The following XKR6 variants were observed in gnomAD, a reference collection of about 807,000 sequenced individuals.
The protein encoded by XKR6 is XK related 6, also known as XK-related protein 6.
A neutral mutation model predicts 56.7 loss-of-function variants in XKR6; 22 were observed. The observed-to-expected ratio is 0.39, with a 90% CI of 0.28 to 0.55. XKR6 has a LOEUF of 0.55. Among genes scored for constraint, XKR6 ranks in the 20% least tolerant of loss-of-function variants. XKR6 has a pLI of 0.66. For missense variants in XKR6, 852 were observed against 889.0 expected (o/e 0.96, Z 0.53); for synonymous variants, 524 against 387.8 (o/e 1.35, Z -4.13).
At chr8:11,038,704 T>G (rs190610019) in intron 1 of XKR6, among the ~76,000 whole-genome samples, 231 of 152,090 alleles carry the variant, frequency 1.5e-3, no homozygotes, top group African/African-American at 5.3e-3. Context: ...CTGGCTAATT[T>G]TTTTATTTTT....
intron 1 of XKR6, among the ~76,000 whole-genome samples, chr8:10,986,480 G>A (rs548570488): frequency 2.6e-5 from 4 of 152,182 alleles, no homozygotes; most frequent in Non-Finnish European, 5.9e-5. Context: ...TATACTTCAC[G>A]ATCTCAAGGC....
At chr8:10,969,634 G>T (rs73537380) in intron 1 of XKR6, among the ~76,000 whole-genome samples, 7 of 152,126 alleles carry the variant, frequency 4.6e-5, no homozygotes, top group Admixed American at 3.9e-4. Flanking sequence ...CATCCTGAAA[G>T]GCCAGAGGAA....
intron 1 of XKR6, among the ~76,000 whole-genome samples, chr8:10,980,178 T>A (rs1204921839): frequency 6.6e-6 from 1 of 152,276 alleles, no homozygotes; most frequent in East Asian, 1.9e-4. Flanking sequence ...AGGATGAGGC[T>A]GCAGTTCCCC....
chr8:11,125,663 C>T (rs750304338), intron 1 of XKR6: 1 of 152,158 alleles, frequency 6.6e-6, no homozygotes, highest in Non-Finnish European at 1.5e-5. Flanking sequence ...TCCTTAATTG[C>T]AGTACAAATT....
At chr8:11,089,012 G>A in intron 1 of XKR6, among the ~76,000 whole-genome samples, 1 of 152,194 alleles carries the variant, frequency 6.6e-6, no homozygotes. Context: ...TTTGAAAGGG[G>A]TGTCATATAG....
At chr8:11,014,814 C>A (rs538120374) in intron 1 of XKR6, among the ~76,000 whole-genome samples, 1 of 152,160 alleles carries the variant, frequency 6.6e-6, no homozygotes, top group Non-Finnish European at 1.5e-5. Context: ...ATGTAACAAA[C>A]CTGCACGCGT....
chr8:11,108,123 GA>G, intron 1 of XKR6: 1 of 346,258 alleles, frequency 2.9e-6, no homozygotes, highest in Non-Finnish European at 5.6e-6. Context: ...CACGCAAAGG[GA>G]CCCGTGTGTT....
At chr8:11,131,040 T>G (rs1255925849) in intron 1 of XKR6, among the ~76,000 whole-genome samples, 1 of 152,182 alleles carries the variant, frequency 6.6e-6, no homozygotes, top group Non-Finnish European at 1.5e-5. Context: ...GGACCCTGTT[T>G]TAGAGATTCT....
chr8:11,083,781 A>G (rs1428624127), intron 1 of XKR6, among the ~76,000 whole-genome samples: 3 of 152,252 alleles, frequency 2.0e-5, no homozygotes, highest in Non-Finnish European at 2.9e-5. Context: ...TCAAAAGCAC[A>G]CCACCATATC....
chr8:11,113,874 T>C, intron 1 of XKR6: 1 of 234,652 alleles, frequency 4.3e-6, no homozygotes, highest in Non-Finnish European at 8.7e-6. Context: ...TTTAATACCT[T>C]TGGTTTACAA....
intron 1 of XKR6, among the ~76,000 whole-genome samples, chr8:11,042,938 G>A (rs1194918717): frequency 6.6e-6 from 1 of 152,084 alleles, no homozygotes; most frequent in African/African-American, 2.4e-5. Context: ...GGAACTCAGT[G>A]AGGCAGGGTG....
chr8:11,172,402 A>G (rs1802426563), intron 1 of XKR6, among the ~76,000 whole-genome samples: 1 of 152,128 alleles, frequency 6.6e-6, no homozygotes, highest in African/African-American at 2.4e-5. Context: ...AGTCTCTAGT[A>G]TTCCTTTAAA....
intron 1 of XKR6, among the ~76,000 whole-genome samples, chr8:11,009,263 C>A (rs1376672623): frequency 6.6e-6 from 1 of 152,204 alleles, no homozygotes; most frequent in Non-Finnish European, 1.5e-5. Flanking sequence ...GTAATCCCAG[C>A]AATTTGGGAG....
chr8:11,102,664 C>T (rs909412101), intron 1 of XKR6, among the ~76,000 whole-genome samples: 1 of 152,104 alleles, frequency 6.6e-6, no homozygotes, highest in Non-Finnish European at 1.5e-5. Flanking sequence ...AAAACAGTTT[C>T]GTGCCACTGA....
intron 1 of XKR6, among the ~76,000 whole-genome samples, chr8:11,012,327 C>T (rs1178927667): frequency 6.6e-6 from 1 of 152,248 alleles, no homozygotes; most frequent in Non-Finnish European, 1.5e-5. Flanking sequence ...CCTAACCTTT[C>T]TGGCTCTCCA....
chr8:10,982,397 G>T (rs1023911120), intron 1 of XKR6, among the ~76,000 whole-genome samples: 1 of 152,190 alleles, frequency 6.6e-6, no homozygotes, highest in Non-Finnish European at 1.5e-5. Flanking sequence ...AGGCACATCA[G>T]CTCTCTGGGC....
intron 1 of XKR6, among the ~76,000 whole-genome samples, chr8:11,161,088 G>A (rs1211964594): frequency 1.3e-5 from 2 of 152,028 alleles, no homozygotes; most frequent in African/African-American, 4.8e-5. Context: ...AAGTTAAGAG[G>A]ACTTGTTAAA....
intron 1 of XKR6, among the ~76,000 whole-genome samples, chr8:11,139,954 C>T (rs1800604171): frequency 3.3e-5 from 5 of 152,078 alleles, no homozygotes; most frequent in Admixed American, 2.6e-4. Flanking sequence ...AAGCCATGAA[C>T]GAAGGTAAGC....
At chr8:11,048,202 G>A (rs1799457192) in intron 1 of XKR6, among the ~76,000 whole-genome samples, 1 of 152,174 alleles carries the variant, frequency 6.6e-6, no homozygotes, top group Non-Finnish European at 1.5e-5. Flanking sequence ...CTATGGGGCT[G>A]AACTTCCGTA....
Sources: allele counts gnomAD v4.1 joint callset (sites outside exome capture counted in the v4.1 genomes callset), GRCh38; gene constraint gnomAD v4.1.1; transcripts MANE v1.5; gene names NCBI Gene and HGNC (gene_info 2026-07-23, HGNC 2026-07-21).